Variants in NPC1 observed in about 807,000 individuals in gnomAD.
NPC1 encodes the protein Niemann-Pick C1 protein.
Under a neutral mutation model 140.4 loss-of-function variants are expected in NPC1, and 85 were observed. The ratio of observed to expected loss-of-function variants is 0.61; its 90% CI spans 0.51 to 0.72. NPC1 has a LOEUF of 0.72. NPC1 is among the 30% of genes least tolerant of loss of function. The probability of loss-of-function intolerance (pLI) is 0.00; values close to 1 mark genes in which losing one functional copy is unlikely to be tolerated. For synonymous variants in NPC1, 656 were observed against 624.8 expected, an observed-to-expected ratio of 1.05 and a Z score of -0.74; for missense variants, 1,504 against 1,623.8, an observed-to-expected ratio of 0.93 and a Z score of 1.27.
At chr18:23,555,090 GGGAA>G in intron 8 of NPC1, 106 bp from the exon 9 acceptor site, 1 of 776,498 alleles carries the variant, frequency 1.3e-6, no homozygotes, top group South Asian at 1.5e-5. Flanking sequence ...AGAGTATTTG[GGGAA>G]AATACTTCCT....
At chr18:23,572,613 T>A (rs1441757087) in intron 2 of NPC1, among the ~76,000 whole-genome samples, 2 of 152,144 alleles carry the variant, frequency 1.3e-5, no homozygotes, top group Non-Finnish European at 2.9e-5. Context: ...GAGGGTGGAT[T>A]GCTTGAGCCT....
At chr18:23,537,672 C>T (rs1364461203) in intron 20 of NPC1, among the ~76,000 whole-genome samples, 2 of 152,206 alleles carry the variant, frequency 1.3e-5, no homozygotes. Flanking sequence ...TGGCATGACG[C>T]TGGCACCCTG....
intron 1 of NPC1, among the ~76,000 whole-genome samples, chr18:23,578,804 T>G (rs2059323078): frequency 6.6e-6 from 1 of 152,218 alleles, no homozygotes; most frequent in Admixed American, 6.5e-5. Context: ...TATTGCCAAT[T>G]CCTCTTCAAC....
intron 10 of NPC1, among the ~76,000 whole-genome samples, chr18:23,549,522 C>A (rs1044588275): frequency 6.6e-6 from 1 of 151,976 alleles, no homozygotes; most frequent in Non-Finnish European, 1.5e-5. Context: ...GCCTGTAATC[C>A]CAGCTACTCA....
At chr18:23,520,372 A>G, downstream of NPC1, 1 of 1,357,472 alleles carries the variant, frequency 7.4e-7, no homozygotes, top group Non-Finnish European at 1.0e-6. Context: ...CTGTGTTCTC[A>G]CCATGATCTT....
intron 3 of NPC1, chr18:23,507,884 T>A (rs2145134407): frequency 1.0e-6 from 1 of 1,001,206 alleles, no homozygotes; most frequent in Non-Finnish European, 1.4e-6. Flanking sequence ...GGTCACTTTT[T>A]AAGTTAATAT....
chr18:23,583,857 C>T (rs1273565329), intron 1 of NPC1, among the ~76,000 whole-genome samples: 1 of 152,186 alleles, frequency 6.6e-6, no homozygotes, highest in African/African-American at 2.4e-5. Context: ...CTGATCACAG[C>T]ATCAGTCAAG....
intron 23 of NPC1, chr18:23,534,023 C>A (rs910876378): frequency 1.6e-5 from 5 of 322,490 alleles, no homozygotes; most frequent in Admixed American, 4.6e-5. Context: ...AAAAGTGTTA[C>A]GAAACAAAGT....
chr18:23,569,928 G>C (rs2059177559), intron 3 of NPC1, among the ~76,000 whole-genome samples: 1 of 152,166 alleles, frequency 6.6e-6, no homozygotes, highest in Non-Finnish European at 1.5e-5. Flanking sequence ...ACTGTTACTT[G>C]CAAAAGCTGT....
chr18:23,545,344 G>A (rs1415529457), intron 11 of NPC1, among the ~76,000 whole-genome samples, 195 bp from the exon 12 acceptor site: 2 of 152,164 alleles, frequency 1.3e-5, no homozygotes, highest in Non-Finnish European at 2.9e-5. Context: ...CCGGGTTTGA[G>A]TGCTTCTCCT....
At chr18:23,519,178 C>G, downstream of NPC1, 1 of 1,611,372 alleles carries the variant, frequency 6.2e-7, no homozygotes. Flanking sequence ...TACAGAGGTA[C>G]AAGCTGTCTG....
At chr18:23,515,048 C>G (rs1417438476) in intron 3 of NPC1, among the ~76,000 whole-genome samples, 1 of 151,928 alleles carries the variant, frequency 6.6e-6, no homozygotes, top group Non-Finnish European at 1.5e-5. Context: ...CCAGTGTAGA[C>G]TGGAGTCGAG....
At chr18:23,515,796 G>A (rs2057986986) in intron 3 of NPC1, 1 of 1,603,676 alleles carries the variant, frequency 6.2e-7, no homozygotes, top group Admixed American at 1.7e-5. Flanking sequence ...GCCTCCCAAA[G>A]TGCTGGGATT....
At chr18:23,527,765 G>A, downstream of NPC1, 1 of 1,578,802 alleles carries the variant, frequency 6.3e-7, no homozygotes, top group East Asian at 2.2e-5. Flanking sequence ...AAGTTGGTTT[G>A]ATCCGTGTGT....
At chr18:23,510,249 G>T in intron 3 of NPC1, among the ~76,000 whole-genome samples, 1 of 151,724 alleles carries the variant, frequency 6.6e-6, no homozygotes, top group East Asian at 1.9e-4. Context: ...GCTTGAGCCT[G>T]GGAGGCAGGA....
downstream of NPC1, chr18:23,518,990 T>G (rs1465303579): frequency 6.2e-7 from 1 of 1,613,874 alleles, no homozygotes. Context: ...GTAGATTTCA[T>G]GCTTTGTTTT....
At chr18:23,521,486 C>T (rs1385506448), downstream of NPC1, among the ~76,000 whole-genome samples, 2 of 152,182 alleles carry the variant, frequency 1.3e-5, no homozygotes, top group African/African-American at 4.8e-5. Flanking sequence ...TTGGGACTGA[C>T]AGTCACAGTA....
chr18:23,538,753 G>A (rs1259799946), intron 19 of NPC1, 82 bp from the exon 20 acceptor site: 1 of 1,416,218 alleles, frequency 7.1e-7, no homozygotes, highest in Admixed American at 1.7e-5. Flanking sequence ...CTGACAGTGA[G>A]GGGCATTACT....
Position 23,535,524 on chromosome 18 carries a change from A to C in NPC1, c.3422T>G (p.Val1141Gly), listed in dbSNP as rs144725473. The C allele has an allele frequency of 1.2e-6, 2 of 1,613,856 alleles. No individual in the cohort carries two copies. Among genetic ancestry groups the C allele is most frequent in the Non-Finnish European group, 1.7e-6 (2 of 1,179,980 alleles). Reference protein sequence around the residue: ...IAMVLVNMFGVMWLWGISLNA... With the variant: ...IAMVLVNMFGGMWLWGISLNA... ...CAGACTGATGCCCCAGAGCCACATA[A>C]CTCCAAACATGTTGACCAAGACCAT... is the stretch of plus-strand genomic sequence containing the variant. The change falls in exon 22 of 25, where the codon GTT becomes GGT. Residue 1141 changes from valine to glycine, a missense_variant. By Grantham distance (109) the Val-to-Gly change is moderately radical. Transcript: ENST00000269228.
Sources: allele counts gnomAD v4.1 joint callset (sites outside exome capture counted in the v4.1 genomes callset), GRCh38; gene constraint gnomAD v4.1.1; transcripts MANE v1.5; gene names NCBI Gene and HGNC (gene_info 2026-07-23, HGNC 2026-07-21).